The following GABRB1 variants were observed in gnomAD, a reference collection of about 807,000 sequenced individuals.
GABRB1 encodes gamma-aminobutyric acid receptor subunit beta-1.
A neutral mutation model predicts 51.6 loss-of-function variants in GABRB1; 17 were observed. The observed-to-expected ratio is 0.33, with a 90% confidence interval of 0.23 to 0.49. GABRB1 has a LOEUF of 0.49. Among genes scored for constraint, GABRB1 ranks in the 20% least tolerant of loss-of-function variants. The pLI is 0.99. For missense variants in GABRB1, 410 were observed against 600.6 expected (o/e 0.68, Z 3.32); for synonymous variants, 247 against 218.9 (o/e 1.13, Z -1.14).
intron 4 of GABRB1, among the ~76,000 whole-genome samples, chr4:47,311,352 C>T (rs1340364986): frequency 2.8e-5 from 4 of 142,044 alleles, no homozygotes; most frequent in African/African-American, 8.0e-5. Flanking sequence ...ATGGAGGATG[C>T]AGTGAGCTGA....
chr4:47,339,469 A>G (rs1725806607), intron 5 of GABRB1, among the ~76,000 whole-genome samples: 1 of 152,102 alleles, frequency 6.6e-6, no homozygotes, highest in Non-Finnish European at 1.5e-5. Context: ...AATCTCCACT[A>G]ATTATTGCAT....
chr4:47,007,170 T>C lies in GABRB1; in HGVS notation c.-20+13244T>C, dbSNP rs191251114. Among the ~76,000 whole-genome samples the C allele has an allele frequency of 1.2e-4, 18 of 151,628 alleles. No individual in the cohort carries two copies. In the East Asian group the frequency reaches 3.5e-3, roughly 29 times the overall value. On this transcript the variant is annotated intron_variant, in intron 1 of 3. Transcript: ENST00000513567. ...AAAAAAAAAGAAAAAGAAAAGAAAG[T>C]ACATAAACTTTAAATGTAAAGACAG... is the stretch of plus-strand genomic sequence containing the variant.
rs117631764 is a variant in GABRB1 at position 47,092,567 on chromosome 4, T to C, written c.240+60083T>C. ...AAAGGAAAGAAGGAATTTGTGAATC[T>C]GAGGTCACTTTTGCAGATATCAGTT... On this transcript the variant is annotated intron_variant, in intron 3 of 8. Transcript: ENST00000295454. Among the ~76,000 whole-genome samples, 14 of 151,912 alleles carry C rather than the reference T, an allele frequency of 9.2e-5. No individual in the cohort carries two copies. In the East Asian group the frequency reaches 2.5e-3, roughly 27 times the overall value.
At chr4:47,254,395 G>T (rs1331412446) in intron 4 of GABRB1, among the ~76,000 whole-genome samples, 1 of 87,480 alleles carries the variant, frequency 1.1e-5, no homozygotes, top group African/African-American at 4.9e-5. Context: ...TTTTTTTTGA[G>T]GCAGAGTCTC....
In GABRB1 at chr4:47,426,215, A is replaced by G; in HGVS notation, c.*197A>G. 1 of 458,612 alleles carries G rather than the reference A, an allele frequency of 2.2e-6. No individual in the cohort carries two copies. The highest frequency in any genetic ancestry group is 3.8e-6 in the Non-Finnish European group (1 of 262,794). 28.4% of individuals were successfully genotyped at this position (458,612 alleles called of 1,614,324 possible). A position where few individuals can be genotyped will look rare whatever the true frequency, so the allele number is the denominator to read the frequency against. ...AAAACAAAAAAAAAATTATTTTTCC[A>G]GTCTACCGTGGTCCAGGTTATCAGC... is the stretch of plus-strand genomic sequence containing the variant. On this transcript the variant is annotated 3_prime_UTR_variant, in exon 9 of 9. Transcript: ENST00000295454.
At chr4:47,338,309 C>G (rs1201579395) in intron 5 of GABRB1, among the ~76,000 whole-genome samples, 1 of 152,086 alleles carries the variant, frequency 6.6e-6, no homozygotes, top group Non-Finnish European at 1.5e-5. Context: ...GTGCACATGC[C>G]TTTTCTGACA....
intron 3 of GABRB1, 95 bp downstream of exon 3, chr4:47,032,579 G>T (rs1725371438): frequency 8.4e-7 from 1 of 1,193,702 alleles, no homozygotes; most frequent in Non-Finnish European, 1.3e-6. Context: ...CGGTCACCTC[G>T]CCCCTGGCCC....
chr4:47,130,317 T>G (rs926326078), intron 3 of GABRB1, among the ~76,000 whole-genome samples: 1 of 146,314 alleles, frequency 6.8e-6, no homozygotes, highest in Non-Finnish European at 1.5e-5. Context: ...ATGTCTGGGC[T>G]CCAGATACTG....
At chr4:47,162,631 C>G (rs921167405) in intron 4 of GABRB1, among the ~76,000 whole-genome samples, 3 of 151,924 alleles carry the variant, frequency 2.0e-5, no homozygotes, top group Non-Finnish European at 4.4e-5. Context: ...AAAACTGAGA[C>G]AGAAAAGGGA....
intron 5 of GABRB1, among the ~76,000 whole-genome samples, chr4:47,328,870 A>G (rs1284929284): frequency 6.6e-6 from 1 of 151,960 alleles, no homozygotes; most frequent in Non-Finnish European, 1.5e-5. Context: ...ATACATATGT[A>G]ACTAAACTGC....
At chr4:47,410,451 A>G (rs1728723971) in intron 8 of GABRB1, among the ~76,000 whole-genome samples, 1 of 152,218 alleles carries the variant, frequency 6.6e-6, no homozygotes, top group Non-Finnish European at 1.5e-5. Flanking sequence ...ATGTTTATGC[A>G]GCTTTTCCCC....
At chr4:47,117,314 G>A (rs1715538322) in intron 3 of GABRB1, among the ~76,000 whole-genome samples, 1 of 152,190 alleles carries the variant, frequency 6.6e-6, no homozygotes, top group Non-Finnish European at 1.5e-5. Flanking sequence ...TATATAATAT[G>A]CATCCCTATA....
intron 4 of GABRB1, among the ~76,000 whole-genome samples, chr4:47,197,628 A>C (rs939280650): frequency 7.2e-5 from 11 of 152,250 alleles, no homozygotes; most frequent in African/African-American, 2.2e-4. Context: ...ACGTTAATAT[A>C]AAAGTTATGA....
At chr4:47,392,412 G>A (rs780582300) in intron 5 of GABRB1, among the ~76,000 whole-genome samples, 44 of 146,566 alleles carry the variant, frequency 3.0e-4, no homozygotes, top group Non-Finnish European at 4.8e-4. Flanking sequence ...ACACAATCTC[G>A]GCTCACTGCA....
intron 5 of GABRB1, among the ~76,000 whole-genome samples, chr4:47,334,319 T>C (rs1398520757): frequency 6.6e-6 from 1 of 152,186 alleles, no homozygotes; most frequent in Non-Finnish European, 1.5e-5. Context: ...TCCCAGCCTG[T>C]TTGCTTCCTA....
chr4:47,343,108 G>C (rs1459534872), intron 5 of GABRB1, among the ~76,000 whole-genome samples: 21 of 151,618 alleles, frequency 1.4e-4, no homozygotes, highest in African/African-American at 5.1e-4. Context: ...GCTTGTGCAC[G>C]GCTAAATAGT....
chr4:47,374,212 C>T (rs1727302376), intron 5 of GABRB1, among the ~76,000 whole-genome samples: 1 of 152,160 alleles, frequency 6.6e-6, no homozygotes. Flanking sequence ...CATGGTGAAA[C>T]CTGGTCTCTA....
chr4:47,193,215 C>A (rs1963910), intron 4 of GABRB1, among the ~76,000 whole-genome samples: 107,621 of 152,042 alleles, frequency 0.71, 38,558 homozygotes, highest in Middle Eastern at 0.86. Context: ...CTCTGCCTCC[C>A]GGGTTCAAGA....
intron 3 of GABRB1, among the ~76,000 whole-genome samples, chr4:47,037,649 T>A (rs1725648565): frequency 6.6e-6 from 1 of 151,926 alleles, no homozygotes; most frequent in Non-Finnish European, 1.5e-5. Flanking sequence ...GATTTTAGGA[T>A]TGCAGAATCA....
Sources: gnomAD v4.1 joint callset for allele counts (sites outside exome capture counted in the v4.1 genomes callset) on GRCh38, gnomAD v4.1.1 for gene constraint, MANE v1.5 for transcripts, NCBI Gene and HGNC (gene_info 2026-07-23, HGNC 2026-07-21) for gene names.